ZFAND3: variants seen among roughly 807,000 people sequenced by gnomAD.
ZFAND3 encodes the protein zinc finger AN1-type containing 3.
Under a neutral mutation model 29.6 loss-of-function variants are expected in ZFAND3, and 10 were observed. The ratio of observed to expected loss-of-function variants is 0.34; its 90% CI spans 0.21 to 0.57. The LOEUF (loss-of-function observed/expected upper bound fraction) is 0.57, where lower values mean the gene tolerates loss of function less well. Ranked by LOEUF, ZFAND3 falls within the 20% of genes least tolerant of loss-of-function variation. ZFAND3 has a pLI of 0.86. For synonymous variants in ZFAND3, 128 were observed against 112.6 expected (o/e 1.14, Z -0.87); for missense variants, 230 against 304.5 (o/e 0.76, Z 1.82).
intron 1 of ZFAND3, among the ~76,000 whole-genome samples, chr6:37,851,945 T>TA (rs1764289216): frequency 6.6e-6 from 1 of 152,238 alleles, no homozygotes; most frequent in African/African-American, 2.4e-5. Flanking sequence ...CAATAGCTGA[T>TA]ACATTGCAGT....
chr6:37,873,433 A>G (rs1764734348), intron 1 of ZFAND3, among the ~76,000 whole-genome samples: 1 of 152,224 alleles, frequency 6.6e-6, no homozygotes, highest in Admixed American at 6.5e-5. Flanking sequence ...CTTGCTTGCT[A>G]GAGCCTGTCG....
At chr6:38,138,380 A>G (rs1230208192) in intron 5 of ZFAND3, among the ~76,000 whole-genome samples, 1 of 152,212 alleles carries the variant, frequency 6.6e-6, no homozygotes, top group African/African-American at 2.4e-5. Flanking sequence ...AGGCAAAGTA[A>G]GAATGAACAA....
chr6:37,888,437 A>G lies in ZFAND3; in HGVS notation c.72-41522A>G, dbSNP rs116632210. ...ATGGCATTATCAATAGGAATACATA[A>G]TGGTTCAATCATTTATGCTTTATTC... is the stretch of plus-strand genomic sequence containing the variant. On this transcript the variant is annotated intron_variant, in intron 1 of 5. Coordinates refer to ENST00000287218, the MANE Select transcript of ZFAND3 (RefSeq NM_021943.3). Among the ~76,000 whole-genome samples, 1,245 of 152,292 alleles carry G rather than the reference A, an allele frequency of 8.2e-3. 7 individuals are homozygous for G. Among genetic ancestry groups the G allele is most frequent in the Middle Eastern group, 0.031 (9 of 294 alleles).
rs887403574 is a variant in ZFAND3 at position 38,154,168 on chromosome 6, C to T, written c.*1779C>T. On this transcript the variant is annotated 3_prime_UTR_variant, in exon 6 of 6. Transcript: ENST00000287218. ...ACTGCTGTCAAGCCACAGCCCTTGG[C>T]CACCATACGGGCCATCCTCAGTGAG... 7.1e-6 allele frequency: 7 copies of T among 985,526 alleles called. No individual in the cohort carries two copies. Among genetic ancestry groups the T allele is most frequent in the Middle Eastern group, 5.2e-4 (1 of 1,936 alleles). The allele number at this position is 985,526 out of a possible 1,614,324, so 61.0% of individuals were successfully genotyped here.
intron 1 of ZFAND3, among the ~76,000 whole-genome samples, chr6:37,866,350 A>G (rs1387170970): frequency 6.6e-6 from 1 of 152,200 alleles, no homozygotes; most frequent in Admixed American, 6.5e-5. Context: ...TTTGGTCTAT[A>G]TATAGTTTGC....
intron 2 of ZFAND3, among the ~76,000 whole-genome samples, chr6:37,947,502 A>G (rs1437769982): frequency 6.6e-6 from 1 of 152,104 alleles, no homozygotes; most frequent in African/African-American, 2.4e-5. Context: ...ATATAGATGA[A>G]ATCTCTTTAA....
intron 2 of ZFAND3, among the ~76,000 whole-genome samples, chr6:38,039,272 A>G (rs962529102): frequency 2.0e-5 from 3 of 152,236 alleles, no homozygotes; most frequent in Non-Finnish European, 4.4e-5. Context: ...GAATGAGATG[A>G]TCTGAGGGTG....
At chr6:37,891,090 C>T (rs1765088643) in intron 1 of ZFAND3, among the ~76,000 whole-genome samples, 1 of 152,190 alleles carries the variant, frequency 6.6e-6, no homozygotes, top group Admixed American at 6.5e-5. Context: ...TCCCCCAAAC[C>T]CGGAGTCCTC....
intron 4 of ZFAND3, among the ~76,000 whole-genome samples, chr6:38,111,983 G>A (rs1054082810): frequency 2.0e-5 from 3 of 152,078 alleles, no homozygotes; most frequent in African/African-American, 4.8e-5. Context: ...CTTGGATACC[G>A]AGAGACGGAC....
intron 4 of ZFAND3, among the ~76,000 whole-genome samples, chr6:38,103,540 C>CACAT (rs1014366315): frequency 1.2e-4 from 14 of 116,294 alleles, no homozygotes; most frequent in Admixed American, 9.0e-5. Flanking sequence ...TATACACACA[C>CACAT]ACATACATAC....
chr6:37,838,868 G>C (rs968003315), intron 1 of ZFAND3, among the ~76,000 whole-genome samples: 1 of 152,168 alleles, frequency 6.6e-6, no homozygotes, highest in African/African-American at 2.4e-5. Flanking sequence ...TGGTAACTCT[G>C]TTTAACTTTT....
At chr6:38,107,683 A>G (rs1243313267) in intron 4 of ZFAND3, among the ~76,000 whole-genome samples, 1 of 152,132 alleles carries the variant, frequency 6.6e-6, no homozygotes, top group African/African-American at 2.4e-5. Context: ...AATACAAAAA[A>G]TTAGCCAGGC....
At chr6:37,829,255 G>A (rs1173119518) in intron 1 of ZFAND3, among the ~76,000 whole-genome samples, 3 of 147,626 alleles carry the variant, frequency 2.0e-5, no homozygotes, top group African/African-American at 7.5e-5. Flanking sequence ...AGTGGAGGAT[G>A]CCAGACTTGG....
intron 1 of ZFAND3, among the ~76,000 whole-genome samples, chr6:37,885,685 C>G (rs747719498): frequency 6.6e-6 from 1 of 152,088 alleles, no homozygotes; most frequent in Non-Finnish European, 1.5e-5. Flanking sequence ...GAAGACAGTT[C>G]TGAAGAATTT....
rs1350597553 is a variant in ZFAND3 at position 38,144,221 on chromosome 6, A to T, written c.530-8014A>T. Among the ~76,000 whole-genome samples the T allele has an allele frequency of 1.0e-3, 70 of 70,020 alleles. 1 individual carries two copies. The East Asian group carries it at 0.015, about 15-fold the overall frequency. The allele number at this position is 70,020 out of a possible 152,430, so 45.9% of individuals were successfully genotyped here. A position where few individuals can be genotyped will look rare whatever the true frequency, so the allele number is the denominator to read the frequency against. Reference sequence around the variant, plus strand: ...TATATATATATATATAATATATAATATATATATATATTTTTTTTTTAATAA... The same window carrying T: ...TATATATATATATATAATATATAATTTATATATATATTTTTTTTTTAATAA... On this transcript the variant is annotated intron_variant, in intron 5 of 5. Coordinates refer to ENST00000287218, the MANE Select transcript of ZFAND3 (RefSeq NM_021943.3).
intron 4 of ZFAND3, among the ~76,000 whole-genome samples, chr6:38,095,735 A>G (rs941107220): frequency 2.0e-5 from 3 of 152,188 alleles, no homozygotes; most frequent in Admixed American, 1.3e-4. Flanking sequence ...TTCTCGGATG[A>G]AAGTCATTGC....
rs113954940 is a variant in ZFAND3, at chr6:37,985,209, GCTT to G, written c.112+55214_112+55216del. Among the ~76,000 whole-genome samples, 72 of 152,288 alleles carry G rather than the reference GCTT, an allele frequency of 4.7e-4. 1 individual carries two copies. The highest frequency in any genetic ancestry group is 9.6e-4 in the African/African-American group (40 of 41,558). ...GTAGTGGCATGTGCCTGTAGTCACGGCTTCTTAGGAGGCTGAGATAGGAGGATC... is the reference window on the plus strand; with the variant it reads ...GTAGTGGCATGTGCCTGTAGTCACGGCTTAGGAGGCTGAGATAGGAGGATC... On this transcript the variant is annotated intron_variant, in intron 2 of 5. Transcript: ENST00000287218.
chr6:37,961,964 T>C (rs1762205770), intron 2 of ZFAND3, among the ~76,000 whole-genome samples: 1 of 152,190 alleles, frequency 6.6e-6, no homozygotes, highest in African/African-American at 2.4e-5. Flanking sequence ...GAGGGGTGTC[T>C]GCAAGTATCA....
chr6:37,832,840 C>T (rs868478276), intron 1 of ZFAND3: 14 of 152,104 alleles, frequency 9.2e-5, no homozygotes, highest in African/African-American at 3.1e-4. Flanking sequence ...CCACACCTGC[C>T]AAATTTTAAA....
Sources: allele counts gnomAD v4.1 joint callset (sites outside exome capture counted in the v4.1 genomes callset), GRCh38; gene constraint gnomAD v4.1.1; transcripts MANE v1.5; gene names NCBI Gene and HGNC (gene_info 2026-07-23, HGNC 2026-07-21).